The following STARD10 variants were observed in gnomAD, a reference collection of about 807,000 sequenced individuals.
STARD10 encodes START domain-containing protein 10.
STARD10 carries 24 observed loss-of-function variants against 36.0 expected under a neutral mutation model. The ratio of observed to expected loss-of-function variants is 0.67; its 90% confidence interval spans 0.48 to 0.94. The LOEUF (loss-of-function observed/expected upper bound fraction) is 0.94, where lower values mean the gene tolerates loss of function less well. STARD10 is among the 40% of genes least tolerant of loss of function. STARD10 has a pLI of 0.00. For missense variants in STARD10, 335 were observed against 396.6 expected (o/e 0.84, Z 1.32); for synonymous variants, 156 against 161.9 (o/e 0.96, Z 0.28).
chr11:72,759,984 C>T (rs931083752), intron 2 of STARD10, among the ~76,000 whole-genome samples: 70 of 151,972 alleles, frequency 4.6e-4, no homozygotes, highest in African/African-American at 1.6e-3. Flanking sequence ...GATCTTGGCT[C>T]ACTGCAACCT....
At chr11:72,778,197 T>C (rs1021139705) in intron 2 of STARD10, among the ~76,000 whole-genome samples, 2 of 152,178 alleles carry the variant, frequency 1.3e-5, no homozygotes, top group Non-Finnish European at 2.9e-5. Flanking sequence ...TGCGAGCCCA[T>C]GTGGAGAGGG....
chr11:72,780,264 G>A (rs1858975194), intron 2 of STARD10: 1 of 396,496 alleles, frequency 2.5e-6, no homozygotes, highest in South Asian at 1.7e-5. Flanking sequence ...GAATTGTGGG[G>A]TTGGGAAGAG....
intron 5 of STARD10, 23 bp downstream of exon 5, chr11:72,757,744 G>A (rs1858662767): frequency 1.9e-6 from 3 of 1,607,528 alleles, no homozygotes; most frequent in Non-Finnish European, 2.6e-6. Flanking sequence ...TCCCATGATA[G>A]GCTGCCAGGG....
chr11:72,769,401 T>C (rs1317988342), intron 2 of STARD10, among the ~76,000 whole-genome samples: 1 of 152,200 alleles, frequency 6.6e-6, no homozygotes. Flanking sequence ...TTTTAAATCA[T>C]AAGAATGATT....
chr11:72,791,369 T>TCGTA (rs1859141386), intron 1 of STARD10, among the ~76,000 whole-genome samples: 1 of 152,172 alleles, frequency 6.6e-6, no homozygotes. Flanking sequence ...AAGATCCCTG[T>TCGTA]CGTAGTCCAG....
chr11:72,757,331 C>T (rs1215147310), intron 5 of STARD10, among the ~76,000 whole-genome samples: 2 of 152,050 alleles, frequency 1.3e-5, no homozygotes, highest in African/African-American at 4.8e-5. Flanking sequence ...GGAAGACATC[C>T]GAAGGGAGAT....
intron 1 of STARD10, among the ~76,000 whole-genome samples, chr11:72,788,961 T>C (rs1859108949): frequency 6.6e-6 from 1 of 152,130 alleles, no homozygotes; most frequent in African/African-American, 2.4e-5. Context: ...ACTCAAGTGG[T>C]CCTCTCTCGT....
intron 2 of STARD10, 82 bp from the exon 3 acceptor site, chr11:72,759,463 G>A: frequency 6.5e-7 from 1 of 1,538,410 alleles, no homozygotes; most frequent in Non-Finnish European, 8.9e-7. Context: ...ACAGGCAGAG[G>A]GGGAGGAAGA....
chr11:72,755,327 TTGA>T, intron 6 of STARD10, 185 bp from the exon 7 acceptor site: 1 of 660,962 alleles, frequency 1.5e-6, no homozygotes, highest in South Asian at 2.1e-5. Flanking sequence ...TTTTTTTTTT[TTGA>T]GACGGAATCT....
intron 2 of STARD10, among the ~76,000 whole-genome samples, chr11:72,766,742 G>A (rs769591107): frequency 1.3e-5 from 2 of 152,216 alleles, no homozygotes; most frequent in African/African-American, 2.4e-5. Context: ...GTCGACCTGA[G>A]ATGGGAAAGG....
intron 1 of STARD10, among the ~76,000 whole-genome samples, chr11:72,784,190 T>C (rs771773037): frequency 1.3e-5 from 2 of 152,134 alleles, no homozygotes; most frequent in African/African-American, 2.4e-5. Flanking sequence ...AAAACACCCC[T>C]AAGCAGCCGA....
At chr11:72,762,183 C>T (rs917009350) in intron 2 of STARD10, among the ~76,000 whole-genome samples, 7 of 151,926 alleles carry the variant, frequency 4.6e-5, no homozygotes, top group African/African-American at 1.7e-4. Flanking sequence ...GCCTCGGCCT[C>T]CCAAAGTGCT....
At chr11:72,757,997 G>A (rs572993219) in intron 4 of STARD10, 113 bp from the exon 5 acceptor site, 14 of 928,472 alleles carry the variant, frequency 1.5e-5, no homozygotes, top group Admixed American at 3.5e-5. Flanking sequence ...TTCACATGCC[G>A]TGACATCTGT....
At chr11:72,768,556 G>A (rs796300593) in intron 2 of STARD10, among the ~76,000 whole-genome samples, 17 of 152,340 alleles carry the variant, frequency 1.1e-4, no homozygotes, top group African/African-American at 3.8e-4. Context: ...GGGTGCTGAG[G>A]CACCTCCTCC....
intron 2 of STARD10, among the ~76,000 whole-genome samples, chr11:72,764,765 C>T (rs1858763990): frequency 6.6e-6 from 1 of 152,180 alleles, no homozygotes; most frequent in South Asian, 2.1e-4. Flanking sequence ...ACCAGGAACC[C>T]CCAGCTATTA....
rs1315812666 is a variant in STARD10 at position 72,780,960 on chromosome 11, A to AGC, written c.207+13_207+14dup. On this transcript the variant is annotated intron_variant, in intron 2 of 6. Coordinates refer to ENST00000334805, the MANE Select transcript of STARD10 (RefSeq NM_006645.3). ...AGGGTGCAGTGGAGGCTGCAGGTATAGCGGGCAACCCTACCTTGATCTTGT... is the reference window on the plus strand; with the variant it reads ...AGGGTGCAGTGGAGGCTGCAGGTATAGCGCGGGCAACCCTACCTTGATCTTGT... 1 of 1,613,778 alleles carries AGC rather than the reference A, an allele frequency of 6.2e-7. No homozygotes were observed. The highest frequency in any genetic ancestry group is 1.7e-5 in the Admixed American group (1 of 60,020).
At position 72,777,507 on chromosome 11, in the gene STARD10, T is replaced by C. The variant is rs543410344; in HGVS notation, c.207+3468A>G. On this transcript the variant is annotated intron_variant, in intron 2 of 6. Transcript: ENST00000334805. ...TACAGGTGCCATGAGGAAGCTGACC[T>C]GGGCTTTGAGAGACCTGAGTTCAGG... Among the ~76,000 whole-genome samples, 27 of 152,242 alleles carry C rather than the reference T, an allele frequency of 1.8e-4. 1 individual carries two copies. Among genetic ancestry groups the C allele is most frequent in the African/African-American group, 6.3e-4 (26 of 41,468 alleles).
At chr11:72,764,954 A>G (rs1369123746) in intron 2 of STARD10, among the ~76,000 whole-genome samples, 1 of 152,200 alleles carries the variant, frequency 6.6e-6, no homozygotes, top group African/African-American at 2.4e-5. Context: ...GGACCCCGAC[A>G]TGCAGTGGTA....
chr11:72,755,910 C>T, intron 5 of STARD10, 157 bp from the exon 6 acceptor site: 1 of 623,504 alleles, frequency 1.6e-6, no homozygotes, highest in Non-Finnish European at 2.8e-6. Context: ...TACCCTCACT[C>T]CCTTCCACCT....
Sources: allele counts gnomAD v4.1 joint callset (sites outside exome capture counted in the v4.1 genomes callset), GRCh38; gene constraint gnomAD v4.1.1; transcripts MANE v1.5; gene names NCBI Gene and HGNC (gene_info 2026-07-23, HGNC 2026-07-21).